The following DUSP16 variants were observed in gnomAD, a reference collection of about 807,000 sequenced individuals.
The protein encoded by DUSP16 is dual specificity protein phosphatase 16.
DUSP16 carries 21 observed loss-of-function variants against 58.3 expected under a neutral mutation model. The observed-to-expected ratio is 0.36, with a 90% CI of 0.26 to 0.52. The LOEUF is 0.52. Ranked by LOEUF, DUSP16 falls within the 20% of genes least tolerant of loss-of-function variation. DUSP16 has a pLI of 0.94. For synonymous variants in DUSP16, 320 were observed against 323.8 expected (o/e 0.99, Z 0.12); for missense variants, 726 against 819.0 (o/e 0.89, Z 1.39).
intron 5 of DUSP16, among the ~76,000 whole-genome samples, chr12:12,486,802 G>GA (rs1943691336): frequency 6.6e-6 from 1 of 152,182 alleles, no homozygotes; most frequent in Non-Finnish European, 1.5e-5. Context: ...AACCTTGGTG[G>GA]TGTTAAATGT....
At chr12:12,542,267 G>A (rs1944571188) in intron 1 of DUSP16, among the ~76,000 whole-genome samples, 1 of 152,016 alleles carries the variant, frequency 6.6e-6, no homozygotes, top group African/African-American at 2.4e-5. Flanking sequence ...CAGCTACTCA[G>A]GAGGCTGAGG....
intron 5 of DUSP16, chr12:12,485,497 G>C (rs527741802): frequency 2.6e-5 from 4 of 152,002 alleles, no homozygotes; most frequent in Non-Finnish European, 5.9e-5. Flanking sequence ...TATAATATGG[G>C]GCTTAATATA....
At chr12:12,518,373 C>T (rs541892091) in intron 3 of DUSP16, among the ~76,000 whole-genome samples, 1 of 152,082 alleles carries the variant, frequency 6.6e-6, no homozygotes, top group South Asian at 2.1e-4. Flanking sequence ...ATTAGCCAGG[C>T]GTGGTGGCAG....
At chr12:12,508,750 T>C (rs1944033028) in intron 3 of DUSP16, among the ~76,000 whole-genome samples, 1 of 152,166 alleles carries the variant, frequency 6.6e-6, no homozygotes, top group Non-Finnish European at 1.5e-5. Context: ...CCCTATCACG[T>C]GACACAGTTG....
chr12:12,494,510 G>C (rs1943803561), intron 4 of DUSP16, among the ~76,000 whole-genome samples: 1 of 152,176 alleles, frequency 6.6e-6, no homozygotes, highest in Non-Finnish European at 1.5e-5. Flanking sequence ...ATATAATGTA[G>C]CAGGATAAAC....
chr12:12,518,979 T>G (rs1944192041), intron 3 of DUSP16, among the ~76,000 whole-genome samples: 1 of 152,252 alleles, frequency 6.6e-6, no homozygotes, highest in Non-Finnish European at 1.5e-5. Flanking sequence ...TCTTAATGTT[T>G]TGTTTTTCTT....
intron 3 of DUSP16, among the ~76,000 whole-genome samples, chr12:12,503,196 A>C (rs1421118027): frequency 6.6e-6 from 1 of 151,378 alleles, no homozygotes; most frequent in South Asian, 2.1e-4. Context: ...CGTATAGTAA[A>C]GCACTCAGGA....
At chr12:12,527,746 CAAT>C (rs1225754559) in intron 1 of DUSP16, among the ~76,000 whole-genome samples, 2 of 152,144 alleles carry the variant, frequency 1.3e-5, no homozygotes, top group African/African-American at 2.4e-5. Context: ...CAAGTGATGG[CAAT>C]AATGAGACTG....
chr12:12,533,197 A>C (rs1364301941), intron 1 of DUSP16, among the ~76,000 whole-genome samples: 1 of 152,220 alleles, frequency 6.6e-6, no homozygotes, highest in Non-Finnish European at 1.5e-5. Context: ...CAAAGGATTT[A>C]TAGCTAATGT....
chr12:12,476,092 C>T lies in DUSP16; in HGVS notation c.*741G>A, dbSNP rs1320178173. ...AGCTGAGAAGAAAAAAAAATTATCT[C>T]CATCTAGGCCCACGGGAATTTTGTG... On this transcript the variant is annotated 3_prime_UTR_variant, in exon 7 of 7. Transcript: ENST00000298573. The T allele has an allele frequency of 6.6e-6, 1 of 152,528 alleles. No homozygotes were observed. The highest frequency in any genetic ancestry group is 1.5e-5 in the Non-Finnish European group (1 of 68,022). 9.4% of individuals were successfully genotyped at this position (152,528 alleles called of 1,614,324 possible).
chr12:12,527,861 C>G (rs999950658), intron 1 of DUSP16, among the ~76,000 whole-genome samples: 2 of 152,130 alleles, frequency 1.3e-5, no homozygotes, highest in Non-Finnish European at 2.9e-5. Context: ...TGTTGAAAGC[C>G]GCCCCTCCAA....
chr12:12,519,635 T>C (rs965427420), intron 3 of DUSP16, among the ~76,000 whole-genome samples: 1 of 152,146 alleles, frequency 6.6e-6, no homozygotes, highest in African/African-American at 2.4e-5. Context: ...TACCAGTTAA[T>C]AGCAAGCAAA....
intron 1 of DUSP16, among the ~76,000 whole-genome samples, chr12:12,521,947 G>A (rs1041776728): frequency 6.6e-6 from 1 of 152,150 alleles, no homozygotes; most frequent in African/African-American, 2.4e-5. Flanking sequence ...TGAATGGGTA[G>A]GTGTATATGT....
At chr12:12,547,248 G>A (rs1299620140) in intron 1 of DUSP16, among the ~76,000 whole-genome samples, 1 of 151,868 alleles carries the variant, frequency 6.6e-6, no homozygotes, top group Non-Finnish European at 1.5e-5. Context: ...GGCCAACATG[G>A]CAAAACCCCG....
chr12:12,495,725 A>T (rs1271693771), intron 4 of DUSP16, among the ~76,000 whole-genome samples: 1 of 152,246 alleles, frequency 6.6e-6, no homozygotes, highest in Non-Finnish European at 1.5e-5. Flanking sequence ...AATTCTAGAT[A>T]AAAGAATTGT....
At chr12:12,534,440 A>T (rs1592200921) in intron 1 of DUSP16, among the ~76,000 whole-genome samples, 1 of 152,340 alleles carries the variant, frequency 6.6e-6, no homozygotes, top group East Asian at 1.9e-4. Context: ...CGGGAGTCGG[A>T]ACATTCTCTG....
chr12:12,476,623 TC>T lies in DUSP16; in HGVS notation c.*209del, dbSNP rs1592157314. The T allele has an allele frequency of 2.0e-6, 1 of 489,760 alleles. No individual in the cohort carries two copies. 30.3% of individuals were successfully genotyped at this position (489,760 alleles called of 1,614,324 possible). A position where few individuals can be genotyped will look rare whatever the true frequency, so the allele number is the denominator to read the frequency against. On this transcript the variant is annotated 3_prime_UTR_variant, in exon 7 of 7. Transcript: ENST00000298573. ...TAGGGGGGATTCTAGCATCTGCCCT[TC>T]CATTTTTGTTGAGAGAAGTATTAGC... is the stretch of plus-strand genomic sequence containing the variant.
chr12:12,495,909 A>G (rs11054935), intron 4 of DUSP16, among the ~76,000 whole-genome samples: 33,758 of 152,224 alleles, frequency 0.22, 4,703 homozygotes, highest in Admixed American at 0.28. Flanking sequence ...GATGACAATG[A>G]CAAGTGTCCC....
chr12:12,540,898 C>T (rs1944542574), intron 1 of DUSP16, among the ~76,000 whole-genome samples: 1 of 150,386 alleles, frequency 6.6e-6, no homozygotes, highest in African/African-American at 2.4e-5. Flanking sequence ...AGCACAGATT[C>T]ATCTTTCTTC....
Sources: allele counts gnomAD v4.1 joint callset (sites outside exome capture counted in the v4.1 genomes callset), GRCh38; gene constraint gnomAD v4.1.1; transcripts MANE v1.5; gene names NCBI Gene and HGNC (gene_info 2026-07-23, HGNC 2026-07-21).